The following WWOX variants were observed in gnomAD, a reference collection of about 807,000 sequenced individuals.
WWOX encodes the protein WW domain containing oxidoreductase, also known as WW domain-containing oxidoreductase.
WWOX carries 69 observed loss-of-function variants against 46.2 expected under a neutral mutation model. That is an observed-to-expected ratio of 1.49 (90% CI 1.23 to 1.82). The LOEUF (loss-of-function observed/expected upper bound fraction) is 1.82, where lower values mean the gene tolerates loss of function less well. Ranked by LOEUF, WWOX falls within the 40% of genes most tolerant of loss-of-function variation. The pLI is 0.00. For synonymous variants in WWOX, 359 were observed against 202.6 expected (o/e 1.77, Z -6.56); for missense variants, 919 against 542.6 (o/e 1.69, Z -6.89).
At chr16:78,536,569 A>G (rs907394264) in intron 8 of WWOX, among the ~76,000 whole-genome samples, 12 of 152,102 alleles carry the variant, frequency 7.9e-5, no homozygotes, top group East Asian at 1.9e-4. Context: ...CCCAGTGTAT[A>G]TGGTAGCCAA....
chr16:78,470,187 A>G (rs192189241), intron 8 of WWOX, among the ~76,000 whole-genome samples: 1 of 152,312 alleles, frequency 6.6e-6, no homozygotes, highest in Non-Finnish European at 1.5e-5. Context: ...TGTCTGCACA[A>G]AGCTGGTGGA....
chr16:79,107,734 G>C (rs542681004), intron 8 of WWOX, among the ~76,000 whole-genome samples: 2 of 152,242 alleles, frequency 1.3e-5, no homozygotes, highest in Non-Finnish European at 2.9e-5. Flanking sequence ...AGAAATTCTA[G>C]ATTTATAAAT....
intron 8 of WWOX, among the ~76,000 whole-genome samples, chr16:78,866,379 T>A (rs1445244826): frequency 1.3e-5 from 2 of 152,094 alleles, no homozygotes; most frequent in African/African-American, 2.4e-5. Flanking sequence ...GACTCCCTCA[T>A]TAAAGGAGAG....
intron 6 of WWOX, among the ~76,000 whole-genome samples, chr16:78,395,776 CTTTTTT>C (rs2082271444): frequency 7.5e-6 from 1 of 133,818 alleles, no homozygotes; most frequent in Non-Finnish European, 1.5e-5. Context: ...TTTTCTTTTT[CTTTTTT>C]GCTATTCTTT....
intron 4 of WWOX, chr16:78,124,304 GTTGT>G (rs1377174092): frequency 1.3e-5 from 2 of 151,996 alleles, no homozygotes; most frequent in Non-Finnish European, 2.9e-5. Context: ...GAGTGTGTTC[GTTGT>G]TTATCTAATA....
intron 8 of WWOX, among the ~76,000 whole-genome samples, chr16:79,023,092 A>G (rs890202763): frequency 1.3e-5 from 2 of 152,178 alleles, no homozygotes; most frequent in East Asian, 1.9e-4. Context: ...AGCAACAGCA[A>G]TCATGTTCAA....
At chr16:78,398,400 G>A (rs903238384) in intron 6 of WWOX, among the ~76,000 whole-genome samples, 3 of 152,170 alleles carry the variant, frequency 2.0e-5, no homozygotes, top group Non-Finnish European at 2.9e-5. Flanking sequence ...TGTCAGTTAT[G>A]TAAGCATAGA....
At chr16:78,696,513 ACT>A (rs1385401640) in intron 8 of WWOX, among the ~76,000 whole-genome samples, 1 of 151,640 alleles carries the variant, frequency 6.6e-6, no homozygotes, top group East Asian at 1.9e-4. Context: ...GTGGTAGGAT[ACT>A]CTCTCACAAT....
chr16:78,341,478 A>G (rs4243153), intron 5 of WWOX, among the ~76,000 whole-genome samples: 27,165 of 119,674 alleles, frequency 0.23, 8,713 homozygotes, highest in African/African-American at 0.38. Flanking sequence ...AGCTTGTCTT[A>G]GACGTGAGTA....
intron 6 of WWOX, among the ~76,000 whole-genome samples, chr16:78,423,229 C>T (rs958166349): frequency 2.6e-5 from 4 of 151,826 alleles, no homozygotes; most frequent in African/African-American, 4.8e-5. Context: ...CTTTCTTTCT[C>T]TTTCTCTGTT....
chr16:78,812,801 A>T (rs921899868), intron 8 of WWOX, among the ~76,000 whole-genome samples: 7 of 152,088 alleles, frequency 4.6e-5, no homozygotes, highest in Admixed American at 2.6e-4. Flanking sequence ...AGCCCCATAA[A>T]CTAAAGACCC....
chr16:78,422,575 G>T (rs963143921), intron 6 of WWOX, among the ~76,000 whole-genome samples: 10 of 147,032 alleles, frequency 6.8e-5, no homozygotes, highest in African/African-American at 2.5e-4. Context: ...TTGAATACTG[G>T]GCTCAAGTGA....
At chr16:78,930,765 G>T (rs1351437831) in intron 8 of WWOX, among the ~76,000 whole-genome samples, 2 of 152,076 alleles carry the variant, frequency 1.3e-5, no homozygotes, top group East Asian at 3.9e-4. Context: ...TCCTGGCAAG[G>T]TTCCACGGCA....
chr16:78,569,394 C>T (rs1033658985), intron 8 of WWOX, among the ~76,000 whole-genome samples: 7 of 152,154 alleles, frequency 4.6e-5, no homozygotes, highest in African/African-American at 1.7e-4. Flanking sequence ...TGACATTCAC[C>T]TGTATTATAC....
At chr16:78,420,550 T>C (rs1056941096) in intron 6 of WWOX, among the ~76,000 whole-genome samples, 9 of 152,002 alleles carry the variant, frequency 5.9e-5, no homozygotes, top group African/African-American at 2.2e-4. Context: ...CCATTTAGTA[T>C]ATAAAATGTC....
At chr16:78,730,651 G>T (rs1252749906) in intron 8 of WWOX, among the ~76,000 whole-genome samples, 1 of 143,744 alleles carries the variant, frequency 7.0e-6, no homozygotes, top group Non-Finnish European at 1.5e-5. Flanking sequence ...GTAGAGACAG[G>T]GTCTTGCTGT....
chr16:79,065,846 C>T (rs1175162575), intron 8 of WWOX, among the ~76,000 whole-genome samples: 3 of 145,064 alleles, frequency 2.1e-5, no homozygotes, highest in Admixed American at 6.6e-5. Context: ...AAGATGGAGT[C>T]AGCTATGCTG....
intron 8 of WWOX, among the ~76,000 whole-genome samples, chr16:78,894,570 G>T (rs2044660255): frequency 6.6e-6 from 1 of 152,156 alleles, no homozygotes; most frequent in African/African-American, 2.4e-5. Context: ...TTTTCAACTG[G>T]AGATGGTTGT....
chr16:79,008,976 C>T (rs149000648), intron 8 of WWOX, among the ~76,000 whole-genome samples: 2,030 of 152,340 alleles, frequency 0.013, 20 homozygotes, highest in Non-Finnish European at 0.021. Flanking sequence ...AGCTCTGTGA[C>T]GCCAGTGCAA....
Sources: gnomAD v4.1 joint callset for allele counts (sites outside exome capture counted in the v4.1 genomes callset) on GRCh38, gnomAD v4.1.1 for gene constraint, MANE v1.5 for transcripts, NCBI Gene and HGNC (gene_info 2026-07-23, HGNC 2026-07-21) for gene names.